Variants in DPP10 observed in about 807,000 individuals in gnomAD.
The protein encoded by DPP10 is dipeptidyl peptidase like 10.
A neutral mutation model predicts 120.9 loss-of-function variants in DPP10; 33 were observed. The observed-to-expected ratio is 0.27, with a 90% CI of 0.21 to 0.37. DPP10 has a LOEUF of 0.37. DPP10 is among the 10% of genes least tolerant of loss of function. The pLI is 1.00. For synonymous variants in DPP10, 337 were observed against 326.1 expected (o/e 1.03, Z -0.36); for missense variants, 816 against 942.8 (o/e 0.87, Z 1.76).
At chr2:114,492,835 A>C (rs2104447989) in intron 1 of DPP10, among the ~76,000 whole-genome samples, 1 of 152,332 alleles carries the variant, frequency 6.6e-6, no homozygotes, top group Middle Eastern at 3.4e-3. Context: ...TCATCTCTTA[A>C]GAAATATGCT....
At chr2:114,755,261 T>C (rs994561641) in intron 1 of DPP10, among the ~76,000 whole-genome samples, 4 of 152,224 alleles carry the variant, frequency 2.6e-5, no homozygotes, top group Non-Finnish European at 4.4e-5. Context: ...GTACCTAGCA[T>C]TAGACTAGAA....
intron 5 of DPP10, among the ~76,000 whole-genome samples, chr2:115,668,637 A>G (rs570084560): frequency 6.6e-6 from 1 of 152,190 alleles, no homozygotes; most frequent in South Asian, 2.1e-4. Flanking sequence ...TCTCTGATTT[A>G]CCTTATGTTT....
In DPP10 at chr2:115,341,892, C is replaced by T. The variant is rs2063465724; in HGVS notation, c.176-1925C>T. On this transcript the variant is annotated intron_variant, in intron 2 of 25. Transcript: ENST00000410059. ...CAAATTTTGGCAATTATTAATAAAG[C>T]TGCTATAAATGTTTGTGTGTAGGTT... Among the ~76,000 whole-genome samples the T allele has an allele frequency of 6.6e-5, 10 of 152,194 alleles. No homozygotes were observed. In the South Asian group the frequency reaches 2.1e-3, roughly 32 times the overall value.
At chr2:115,454,918 T>C (rs537368073) in intron 3 of DPP10, among the ~76,000 whole-genome samples, 1 of 151,558 alleles carries the variant, frequency 6.6e-6, no homozygotes, top group African/African-American at 2.4e-5. Context: ...CTGTGTACTT[T>C]CAAGGAGCAA....
intron 5 of DPP10, among the ~76,000 whole-genome samples, chr2:115,675,328 T>C (rs1163426596): frequency 6.6e-6 from 1 of 152,118 alleles, no homozygotes; most frequent in Non-Finnish European, 1.5e-5. Context: ...ATAATGTTCA[T>C]GACCAATATA....
chr2:115,530,729 C>A (rs1364047791), intron 5 of DPP10, among the ~76,000 whole-genome samples: 1 of 151,896 alleles, frequency 6.6e-6, no homozygotes, highest in Non-Finnish European at 1.5e-5. Context: ...ATAAGGCAAG[C>A]AGTCATTCTC....
chr2:115,495,913 T>C (rs533939184), intron 3 of DPP10, among the ~76,000 whole-genome samples: 32 of 152,272 alleles, frequency 2.1e-4, no homozygotes, highest in Admixed American at 2.6e-4. Flanking sequence ...TGCCATGCTT[T>C]AAGAATATTT....
chr2:115,426,290 C>T (rs1224405331), intron 3 of DPP10, among the ~76,000 whole-genome samples: 1 of 11,052 alleles, frequency 9.0e-5, no homozygotes. Context: ...GTGCCACCTC[C>T]GACGCTGGAG....
At chr2:115,463,092 G>C (rs2074093933) in intron 3 of DPP10, among the ~76,000 whole-genome samples, 1 of 152,108 alleles carries the variant, frequency 6.6e-6, no homozygotes, top group African/African-American at 2.4e-5. Flanking sequence ...GGGTCATCTA[G>C]TGAAATAGCT....
intron 4 of DPP10, among the ~76,000 whole-genome samples, chr2:115,517,716 A>G (rs749953554): frequency 6.6e-6 from 1 of 152,208 alleles, no homozygotes; most frequent in African/African-American, 2.4e-5. Flanking sequence ...ATACGTGAAG[A>G]GACAAAAGCT....
chr2:115,323,675 G>A (rs1285585404), intron 2 of DPP10, among the ~76,000 whole-genome samples: 1 of 152,148 alleles, frequency 6.6e-6, no homozygotes, highest in African/African-American at 2.4e-5. Flanking sequence ...GCTGCAGAAT[G>A]GATGTTGTGT....
intron 1 of DPP10, among the ~76,000 whole-genome samples, chr2:114,908,427 A>G (rs1376504424): frequency 6.6e-6 from 1 of 151,798 alleles, no homozygotes; most frequent in Non-Finnish European, 1.5e-5. Context: ...ATTTCCTGGT[A>G]TTAATTTTAA....
chr2:115,513,579 A>G (rs1277965134), intron 4 of DPP10, among the ~76,000 whole-genome samples: 1 of 151,960 alleles, frequency 6.6e-6, no homozygotes, highest in Non-Finnish European at 1.5e-5. Context: ...ATTTACAACT[A>G]GCATCTTAAT....
intron 1 of DPP10, among the ~76,000 whole-genome samples, chr2:115,300,225 AT>A (rs1332674715): frequency 6.6e-6 from 1 of 151,600 alleles, no homozygotes; most frequent in East Asian, 1.9e-4. Context: ...ATAACTTCCC[AT>A]TTTTTCCTCT....
chr2:114,833,909 G>C (rs1309723397), intron 1 of DPP10: 5 of 152,040 alleles, frequency 3.3e-5, no homozygotes, highest in Non-Finnish European at 5.9e-5. Flanking sequence ...GACACATGGT[G>C]GTGCTTCTGC....
chr2:115,689,006 G>C lies in DPP10; in HGVS notation c.442-681G>C, dbSNP rs139638861. 6.6e-3 allele frequency among the ~76,000 whole-genome samples: 1,005 copies of C among 152,240 alleles called. 12 individuals are homozygous for C. Among genetic ancestry groups the C allele is most frequent in the African/African-American group, 0.023 (958 of 41,546 alleles). The stretch of plus-strand genomic sequence containing the variant: ...GTTGAATGCATATAAACATGGCACT[G>C]TGCTAGGTAATGTGGAGGATGCAAA... On this transcript the variant is annotated intron_variant, in intron 5 of 25. Transcript: ENST00000410059.
chr2:115,456,916 T>C (rs1488236127), intron 3 of DPP10, among the ~76,000 whole-genome samples: 2 of 152,176 alleles, frequency 1.3e-5, no homozygotes, highest in East Asian at 3.9e-4. Context: ...CATCTATACC[T>C]GTGTAACAAA....
intron 1 of DPP10, among the ~76,000 whole-genome samples, chr2:114,935,312 C>T (rs1696381183): frequency 6.6e-6 from 1 of 152,086 alleles, no homozygotes; most frequent in African/African-American, 2.4e-5. Context: ...CTATAAGGAT[C>T]ATTTCAGCCC....
intron 1 of DPP10, among the ~76,000 whole-genome samples, chr2:114,733,438 A>G (rs17043456): frequency 0.13 from 20,102 of 152,158 alleles, 1,647 homozygotes; most frequent in African/African-American, 0.23. Context: ...AACATTTAGA[A>G]CATACTATGA....
Sources: allele counts gnomAD v4.1 joint callset (sites outside exome capture counted in the v4.1 genomes callset), GRCh38; gene constraint gnomAD v4.1.1; transcripts MANE v1.5; gene names NCBI Gene and HGNC (gene_info 2026-07-23, HGNC 2026-07-21).